Variants in GPM6A observed in about 807,000 individuals in gnomAD.
GPM6A encodes neuronal membrane glycoprotein M6-a.
GPM6A carries 7 observed loss-of-function variants against 32.1 expected under a neutral mutation model. The observed-to-expected ratio is 0.22, with a 90% CI of 0.12 to 0.41. The LOEUF is 0.41. Ranked by LOEUF, GPM6A falls within the 10% of genes least tolerant of loss-of-function variation. The pLI, the probability that GPM6A is intolerant of heterozygous loss-of-function variation, is 1.00. For synonymous variants in GPM6A, 130 were observed against 123.4 expected, an observed-to-expected ratio of 1.05 and a Z score of -0.35; for missense variants, 235 against 347.2, an observed-to-expected ratio of 0.68 and a Z score of 2.57.
intron 1 of GPM6A, among the ~76,000 whole-genome samples, chr4:175,995,704 C>T (rs1027043590): frequency 1.4e-4 from 21 of 151,808 alleles, no homozygotes; most frequent in African/African-American, 5.1e-4. Context: ...TTTAGCTAGG[C>T]AATAAAATTA....
intron 1 of GPM6A, among the ~76,000 whole-genome samples, chr4:175,920,587 C>A (rs1579628063): frequency 6.6e-6 from 1 of 152,074 alleles, no homozygotes; most frequent in Non-Finnish European, 1.5e-5. Flanking sequence ...GTGGCTTATG[C>A]CTGTAATACT....
At chr4:175,814,943 C>G (rs1735052836), upstream of GPM6A, among the ~76,000 whole-genome samples, 2 of 152,170 alleles carry the variant, frequency 1.3e-5, no homozygotes, top group African/African-American at 4.8e-5. Context: ...AACTGAAACT[C>G]TGTGCCCATT....
intron 1 of GPM6A, among the ~76,000 whole-genome samples, chr4:175,706,271 TA>T (rs1264180737): frequency 6.6e-6 from 1 of 152,178 alleles, no homozygotes; most frequent in African/African-American, 2.4e-5. Context: ...TAAAAAAAGA[TA>T]CTGACATTTT....
intron 1 of GPM6A, among the ~76,000 whole-genome samples, chr4:175,998,763 A>T (rs941191218): frequency 6.6e-6 from 1 of 152,016 alleles, no homozygotes; most frequent in Admixed American, 6.6e-5. Context: ...TTATTCCCAA[A>T]CTGGTTTAGG....
chr4:175,726,080 C>T (rs1238548284), intron 1 of GPM6A, among the ~76,000 whole-genome samples: 2 of 147,590 alleles, frequency 1.4e-5, no homozygotes. Context: ...GCAAGCTTCG[C>T]CTCCCAGGTT....
At chr4:175,908,444 G>A (rs1738199992) in intron 1 of GPM6A, among the ~76,000 whole-genome samples, 1 of 152,066 alleles carries the variant, frequency 6.6e-6, no homozygotes. Flanking sequence ...CTACAGGCTA[G>A]TGTTACTCAT....
chr4:175,819,280 T>A (rs1251341003), intron 1 of GPM6A, among the ~76,000 whole-genome samples: 1 of 152,156 alleles, frequency 6.6e-6, no homozygotes, highest in Non-Finnish European at 1.5e-5. Flanking sequence ...TACTTTAAAT[T>A]GAGCTCACCA....
chr4:175,699,093 T>C (rs1177904284), intron 2 of GPM6A, among the ~76,000 whole-genome samples: 1 of 152,190 alleles, frequency 6.6e-6, no homozygotes, highest in Non-Finnish European at 1.5e-5. Flanking sequence ...AATCTGTAGA[T>C]GTTAAGGACA....
At chr4:175,990,926 T>C (rs903711592) in intron 1 of GPM6A, among the ~76,000 whole-genome samples, 26 of 152,138 alleles carry the variant, frequency 1.7e-4, no homozygotes, top group African/African-American at 6.3e-4. Flanking sequence ...CTTTTTTACC[T>C]AAGGAACCAA....
At chr4:175,703,896 C>T (rs1159711579) in intron 1 of GPM6A, among the ~76,000 whole-genome samples, 1 of 152,044 alleles carries the variant, frequency 6.6e-6, no homozygotes, top group Non-Finnish European at 1.5e-5. Context: ...AAGATTTCCT[C>T]CTTATGAAAA....
chr4:175,800,882 T>C (rs775237208), intron 1 of GPM6A: 1 of 197,640 alleles, frequency 5.1e-6, no homozygotes, highest in Non-Finnish European at 1.2e-5. Context: ...TCATGCCACA[T>C]GTATGGAAAA....
chr4:175,789,368 A>C (rs528594159), intron 1 of GPM6A, among the ~76,000 whole-genome samples: 1 of 152,326 alleles, frequency 6.6e-6, no homozygotes, highest in East Asian at 1.9e-4. Flanking sequence ...AAATTAAAAC[A>C]TGTCCCCTTC....
intron 1 of GPM6A, among the ~76,000 whole-genome samples, chr4:175,834,511 G>A (rs2111373424): frequency 6.6e-6 from 1 of 152,182 alleles, no homozygotes; most frequent in East Asian, 1.9e-4. Context: ...TACTCCTTTT[G>A]TATTGAATGT....
intron 1 of GPM6A, among the ~76,000 whole-genome samples, chr4:175,821,652 C>G (rs1438362078): frequency 6.6e-6 from 1 of 151,716 alleles, no homozygotes; most frequent in Admixed American, 6.6e-5. Context: ...AAAATGTTCT[C>G]CCTAGGAGCT....
At chr4:175,729,428 T>C (rs1378975028) in intron 1 of GPM6A, among the ~76,000 whole-genome samples, 1 of 152,170 alleles carries the variant, frequency 6.6e-6, no homozygotes, top group Non-Finnish European at 1.5e-5. Context: ...TGAAAATCCC[T>C]TCACTATTGA....
intron 1 of GPM6A, among the ~76,000 whole-genome samples, chr4:175,837,261 C>T (rs1473516078): frequency 6.6e-6 from 1 of 152,114 alleles, no homozygotes; most frequent in Non-Finnish European, 1.5e-5. Context: ...CTAGAGCCTC[C>T]AGAAAGAACC....
chr4:175,971,394 G>A (rs1406293061), intron 1 of GPM6A, among the ~76,000 whole-genome samples: 1 of 152,044 alleles, frequency 6.6e-6, no homozygotes, highest in African/African-American at 2.4e-5. Context: ...AAACGAGGAA[G>A]TAAAGTAGGT....
At chr4:175,661,999 T>C (rs1183910583) in intron 3 of GPM6A, among the ~76,000 whole-genome samples, 4 of 152,096 alleles carry the variant, frequency 2.6e-5, no homozygotes, top group Non-Finnish European at 5.9e-5. Context: ...CAGAACTATA[T>C]AGACTGAAAT....
At chr4:175,797,618 T>C (rs567027243) in intron 1 of GPM6A, among the ~76,000 whole-genome samples, 13 of 152,158 alleles carry the variant, frequency 8.5e-5, no homozygotes, top group Non-Finnish European at 1.8e-4. Flanking sequence ...TTAAAGACTA[T>C]ATATCATTTA....
Sources: gnomAD v4.1 joint callset for allele counts (sites outside exome capture counted in the v4.1 genomes callset) on GRCh38, gnomAD v4.1.1 for gene constraint, MANE v1.5 for transcripts, NCBI Gene and HGNC (gene_info 2026-07-23, HGNC 2026-07-21) for gene names.